COG3: variants seen among roughly 807,000 people sequenced by gnomAD.
The protein encoded by COG3 is conserved oligomeric Golgi complex subunit 3.
COG3 carries 32 observed loss-of-function variants against 114.1 expected under a neutral mutation model. The observed-to-expected ratio is 0.28, with a 90% CI of 0.21 to 0.38. The LOEUF is 0.38. COG3 is among the 10% of genes least tolerant of loss of function. COG3 has a pLI of 1.00. For missense variants in COG3, 813 were observed against 973.2 expected (o/e 0.84, Z 2.19); for synonymous variants, 352 against 365.7 (o/e 0.96, Z 0.43).
chr13:45,501,529 T>C (rs2057614), intron 13 of COG3, among the ~76,000 whole-genome samples: 136,886 of 152,254 alleles, frequency 0.9, 61,674 homozygotes, highest in African/African-American at 0.94. Flanking sequence ...TTGAGAACTT[T>C]CTTATTTCCT....
intron 20 of COG3, among the ~76,000 whole-genome samples, chr13:45,527,945 A>G (rs1872831947): frequency 1.3e-5 from 2 of 152,244 alleles, no homozygotes; most frequent in African/African-American, 4.8e-5. Flanking sequence ...AGCTAGGAAA[A>G]ATGGGGATGG....
intron 7 of COG3, among the ~76,000 whole-genome samples, chr13:45,485,289 C>T (rs1245294674): frequency 5.3e-5 from 1 of 18,850 alleles, no homozygotes; most frequent in Non-Finnish European, 1.0e-4. Flanking sequence ...GGCTGAACCC[C>T]CCACCTCCCT....
intron 12 of COG3, among the ~76,000 whole-genome samples, chr13:45,494,726 A>G (rs981312920): frequency 2.9e-4 from 44 of 152,018 alleles, no homozygotes; most frequent in Admixed American, 7.2e-4. Context: ...GGGTTTTGCC[A>G]TGTTGCCCAG....
rs941989072 is a variant in COG3, at chr13:45,536,238, C to A, written c.*1507C>A. 1 of 152,096 alleles carries A rather than the reference C, an allele frequency of 6.6e-6. No individual in the cohort carries two copies. The highest frequency in any genetic ancestry group is 2.4e-5 in the African/African-American group (1 of 41,412). 9.4% of individuals were successfully genotyped at this position (152,096 alleles called of 1,614,324 possible). On this transcript the variant is annotated 3_prime_UTR_variant, in exon 23 of 23. Transcript: ENST00000349995. ...TTTAATGAAATAAACTGTAAAATAT[C>A]CAGTTTTGTGTATTATATGTACATT...
At chr13:45,531,248 C>T (rs1009932438) in intron 22 of COG3, 1 of 162,134 alleles carries the variant, frequency 6.2e-6, no homozygotes, top group Non-Finnish European at 1.3e-5. Context: ...GTATACACTG[C>T]ACCCTATTTG....
At position 45,496,210 on chromosome 13, in the gene COG3, G is replaced by C; in HGVS notation, c.1386G>C (p.Glu462Asp). ...AGCAGATGTTAGAAGATGTACAGGA[G>C]CGGCTCGTCTACCGAACCCACATCT... ...GVKQMLEDVQ[E>D]RLVYRTHIYI... is the part of the protein sequence containing the mutation. Residue 462 changes from glutamate (E) to aspartate (D), a missense_variant, in exon 13 of 23, where the codon GAG becomes GAC. By Grantham distance (45) the Glu-to-Asp change is conservative (BLOSUM62 2). Coordinates refer to ENST00000349995, the MANE Select transcript of COG3 (RefSeq NM_031431.4). 6.2e-7 allele frequency: 1 copy of C among 1,612,954 alleles called. No homozygotes were observed. The highest frequency in any genetic ancestry group is 8.5e-7 in the Non-Finnish European group (1 of 1,179,304).
At chr13:45,487,039 A>G (rs1183908972) in intron 8 of COG3, among the ~76,000 whole-genome samples, 1 of 152,202 alleles carries the variant, frequency 6.6e-6, no homozygotes, top group Non-Finnish European at 1.5e-5. Flanking sequence ...CAGAGGAGTT[A>G]TTTGGTCAGA....
At chr13:45,480,406 AG>A in intron 4 of COG3, 116 bp downstream of exon 4, 2 of 719,110 alleles carry the variant, frequency 2.8e-6, no homozygotes, top group Middle Eastern at 8.3e-4. Context: ...GCTGTGTTTG[AG>A]GCCCTGTGCT....
chr13:45,496,401 A>G, intron 13 of COG3, 89 bp downstream of exon 13: 2 of 1,034,120 alleles, frequency 1.9e-6, no homozygotes, highest in Non-Finnish European at 2.5e-6. Flanking sequence ...ATATATTAAA[A>G]TAGAGACAGG....
chr13:45,524,992 C>T lies in COG3; in HGVS notation c.2171C>T (p.Thr724Ile). ...CTCTATTAGGTTTCAGCGTTAAAAACAATGGCCAGTCAGGGAGGCCCCAAG... is the reference window on the plus strand; with the variant it reads ...CTCTATTAGGTTTCAGCGTTAAAAATAATGGCCAGTCAGGGAGGCCCCAAG... Reference protein sequence around the residue: ...EFMTKVSALKTMASQGGPKYT... With the variant: ...EFMTKVSALKIMASQGGPKYT... Residue 724 changes from threonine (T) to isoleucine (I), a missense_variant, in exon 20 of 23, where the codon ACA becomes ATA. By Grantham distance (89) the Thr-to-Ile change is moderately conservative. Around this residue, in one of 2 missense-constraint regions of COG3, gnomAD observed 389 missense variants for 542.6 expected, o/e 0.72. Transcript: ENST00000349995. The T allele has an allele frequency of 1.9e-6, 3 of 1,613,694 alleles. No individual in the cohort carries two copies. The highest frequency in any genetic ancestry group is 2.5e-6 in the Non-Finnish European group (3 of 1,179,734).
intron 15 of COG3, among the ~76,000 whole-genome samples, chr13:45,510,768 G>T (rs1263006270): frequency 6.6e-6 from 1 of 152,194 alleles, no homozygotes; most frequent in Non-Finnish European, 1.5e-5. Context: ...ACCGATCAAA[G>T]GTGGGGAAAG....
At chr13:45,513,957 C>T (rs1337420508) in intron 16 of COG3, among the ~76,000 whole-genome samples, 2 of 151,964 alleles carry the variant, frequency 1.3e-5, no homozygotes, top group Admixed American at 1.3e-4. Context: ...TATGGTATGA[C>T]TATGTAATAA....
At position 45,490,931 on chromosome 13, in the gene COG3, T is replaced by C; in HGVS notation, c.941T>C (p.Ile314Thr). The C allele has an allele frequency of 6.3e-7, 1 of 1,599,314 alleles. No homozygotes were observed. Among genetic ancestry groups the C allele is most frequent in the South Asian group, 1.1e-5 (1 of 89,420 alleles). Residue 314 changes from isoleucine (I) to threonine (T), a missense_variant, in exon 9 of 23, where the codon ATA becomes ACA. By Grantham distance (89) the Ile-to-Thr change is moderately conservative. This residue lies in a region of COG3 where 424 missense variants were observed against 430.6 expected (regional missense o/e 0.98). Coordinates refer to ENST00000349995, the MANE Select transcript of COG3 (RefSeq NM_031431.4). ...ACTTTGCAGACTCTTATTGAACAAA[T>C]AGAACTGCGGTCTGAAAAAATACCT... ...APKVRTLIEQ[I>T]ELRSEKIPEY...
intron 1 of COG3, among the ~76,000 whole-genome samples, chr13:45,472,873 T>G (rs1174507477): frequency 6.6e-6 from 1 of 152,144 alleles, no homozygotes; most frequent in African/African-American, 2.4e-5. Flanking sequence ...CTGAGTTGTT[T>G]TCTCTCTTTT....
At chr13:45,481,628 C>T (rs911607331) in intron 5 of COG3, among the ~76,000 whole-genome samples, 4 of 152,094 alleles carry the variant, frequency 2.6e-5, no homozygotes, top group Non-Finnish European at 5.9e-5. Context: ...GTTATGCTAC[C>T]ATGATAGTAG....
chr13:45,508,421 CACACAT>C (rs1467913070), intron 14 of COG3, among the ~76,000 whole-genome samples: 3,466 of 110,868 alleles, frequency 0.031, 79 homozygotes, highest in African/African-American at 0.092. Flanking sequence ...CACACACACA[CACACAT>C]ACACATATAT....
intron 20 of COG3, among the ~76,000 whole-genome samples, chr13:45,527,671 C>G (rs1268469979): frequency 6.6e-6 from 1 of 152,110 alleles, no homozygotes; most frequent in Non-Finnish European, 1.5e-5. Context: ...TGTTAATTTA[C>G]TCTGACGAAG....
intron 13 of COG3, among the ~76,000 whole-genome samples, chr13:45,502,568 G>A (rs537231733): frequency 1.3e-5 from 2 of 152,284 alleles, no homozygotes; most frequent in African/African-American, 4.8e-5. Flanking sequence ...CACGTGGAAT[G>A]AGTGGACTGG....
At position 45,516,074 on chromosome 13, in the gene COG3, T is replaced by A. The variant is rs547812924; in HGVS notation, c.1810-69T>A. ...TAGGTAGATTAATGTTGATTAATAA[T>A]GTATGCTGTATATGCTTTTATTTTG... On this transcript the variant is annotated intron_variant, in intron 16 of 22. Coordinates refer to ENST00000349995, the MANE Select transcript of COG3 (RefSeq NM_031431.4). The A allele has an allele frequency of 6.9e-6, 8 of 1,155,636 alleles. No homozygotes were observed. In the African/African-American group the frequency reaches 1.2e-4, roughly 18 times the overall value. The allele number at this position is 1,155,636 out of a possible 1,614,324, so 71.6% of individuals were successfully genotyped here. A position where few individuals can be genotyped will look rare whatever the true frequency, so the allele number is the denominator to read the frequency against.
Sources: allele counts gnomAD v4.1 joint callset (sites outside exome capture counted in the v4.1 genomes callset), GRCh38; gene constraint gnomAD v4.1.1; regional missense constraint gnomAD v4.1.1; transcripts MANE v1.5; gene names NCBI Gene and HGNC (gene_info 2026-07-23, HGNC 2026-07-21).